The following AXIN1 variants were observed in gnomAD, a reference collection of about 807,000 sequenced individuals.
AXIN1 encodes axin-1.
Under a neutral mutation model 76.4 loss-of-function variants are expected in AXIN1, and 30 were observed. The ratio of observed to expected loss-of-function variants is 0.39; its 90% CI spans 0.29 to 0.53. The LOEUF (loss-of-function observed/expected upper bound fraction) is 0.53, where lower values mean the gene tolerates loss of function less well. AXIN1 is among the 20% of genes least tolerant of loss of function. The pLI, the probability that AXIN1 is intolerant of heterozygous loss-of-function variation, is 0.66. For synonymous variants in AXIN1, 545 were observed against 501.4 expected (o/e 1.09, Z -1.16); for missense variants, 1,140 against 1,198.8 (o/e 0.95, Z 0.72).
chr16:337,731 G>A (rs370951000), intron 2 of AXIN1, among the ~76,000 whole-genome samples: 7 of 152,218 alleles, frequency 4.6e-5, no homozygotes, highest in Non-Finnish European at 4.4e-5. Context: ...CCCGTGGGCC[G>A]AGGCTGCAAT....
intron 2 of AXIN1, among the ~76,000 whole-genome samples, chr16:332,594 A>C (rs2053716538): frequency 6.6e-6 from 1 of 150,842 alleles, no homozygotes. Context: ...AAAGAAAACA[A>C]AAAAAAAATT....
At chr16:340,865 T>C (rs1271842812) in intron 2 of AXIN1, among the ~76,000 whole-genome samples, 2 of 152,180 alleles carry the variant, frequency 1.3e-5, no homozygotes, top group African/African-American at 2.4e-5. Context: ...ATCAAGTATG[T>C]GAAACCACCA....
At chr16:345,260 A>G (rs2054010742) in intron 2 of AXIN1, among the ~76,000 whole-genome samples, 1 of 152,124 alleles carries the variant, frequency 6.6e-6, no homozygotes. Context: ...TGGACTACAC[A>G]ACAGCACCAA....
intron 2 of AXIN1, among the ~76,000 whole-genome samples, chr16:330,080 A>G (rs1597088956): frequency 8.4e-6 from 1 of 119,384 alleles, no homozygotes; most frequent in Non-Finnish European, 1.7e-5. Context: ...TTTTTTTTTG[A>G]GAGAGGGTCT....
intron 2 of AXIN1, among the ~76,000 whole-genome samples, chr16:320,741 A>ATTTTTTTTT (rs1303646861): frequency 0.018 from 1,688 of 91,712 alleles, 39 homozygotes; most frequent in African/African-American, 0.065. Context: ...ATATATATAT[A>ATTTTTTTTT]TATTTTTTTT....
intron 5 of AXIN1, among the ~76,000 whole-genome samples, chr16:303,208 C>T (rs2052921028): frequency 6.6e-6 from 1 of 152,046 alleles, no homozygotes; most frequent in Admixed American, 6.6e-5. Flanking sequence ...AAGGGGTCTC[C>T]AGAGAAACTC....
intron 2 of AXIN1, among the ~76,000 whole-genome samples, chr16:320,336 A>C (rs3848362): frequency 1.3e-5 from 2 of 151,940 alleles, no homozygotes; most frequent in Non-Finnish European, 2.9e-5. Flanking sequence ...ATGAGCCATC[A>C]TGCCTGGCCA....
chr16:319,086 C>T (rs748708287), intron 2 of AXIN1, among the ~76,000 whole-genome samples: 1 of 152,178 alleles, frequency 6.6e-6, no homozygotes, highest in Non-Finnish European at 1.5e-5. Context: ...GAACAGGTGC[C>T]AGGACTCAGG....
intron 2 of AXIN1, among the ~76,000 whole-genome samples, chr16:320,747 T>A (rs995529288): frequency 9.8e-5 from 13 of 132,716 alleles, no homozygotes; most frequent in Non-Finnish European, 1.6e-4. Context: ...ATATATATTT[T>A]TTTTTTTTTT....
chr16:294,061 T>C (rs1318636062), intron 7 of AXIN1, among the ~76,000 whole-genome samples: 1 of 152,112 alleles, frequency 6.6e-6, no homozygotes, highest in East Asian at 1.9e-4. Context: ...CTCTGGAGGC[T>C]GGGGCCCGAG....
intron 10 of AXIN1, among the ~76,000 whole-genome samples, chr16:289,052 G>T (rs2052474074): frequency 1.3e-5 from 2 of 152,124 alleles, no homozygotes; most frequent in Non-Finnish European, 2.9e-5. Context: ...TGAGGGACAT[G>T]AGCTGAAATG....
At chr16:321,930 A>T (rs2053468542) in intron 2 of AXIN1, among the ~76,000 whole-genome samples, 1 of 152,228 alleles carries the variant, frequency 6.6e-6, no homozygotes, top group Non-Finnish European at 1.5e-5. Flanking sequence ...AGCCATCCTA[A>T]GTTAGAGACC....
rs188295139 is a variant in AXIN1 at position 309,186 on chromosome 16, C to G, written c.1116+787G>C. Among the ~76,000 whole-genome samples, 234 of 151,912 alleles carry G rather than the reference C, an allele frequency of 1.5e-3. 1 individual carries two copies. Among genetic ancestry groups the G allele is most frequent in the Non-Finnish European group, 2.5e-3 (173 of 67,982 alleles). ...TCTACTAAAAATACAAAAAATTAGC[C>G]GGGCGTGGTGGCAGGCGCCTGTACT... On this transcript the variant is annotated intron_variant, in intron 4 of 10. Transcript: ENST00000262320.
Position 349,905 on chromosome 16 carries a change from T to C in AXIN1, c.-82+2464A>G, listed in dbSNP as rs2054108633. ...CCTCAGCTTCCCAGGCTCAAGCAAT[T>C]CTCCAGCCTCAGCCTCTCAAGTGGC... On this transcript the variant is annotated intron_variant, in intron 1 of 10. Transcript: ENST00000262320. 2.0e-5 allele frequency among the ~76,000 whole-genome samples: 3 copies of C among 152,126 alleles called. No homozygotes were observed. The South Asian group carries it at 6.2e-4, about 31-fold the overall frequency.
intron 2 of AXIN1, among the ~76,000 whole-genome samples, chr16:329,789 ATTTTTT>A (rs773869039): frequency 7.6e-6 from 1 of 131,248 alleles, no homozygotes; most frequent in East Asian, 2.2e-4. Context: ...TTGCCCGGCT[ATTTTTT>A]TTTTTTTTTT....
At chr16:296,988 T>G (rs866491964) in intron 7 of AXIN1, 68 bp downstream of exon 7, 2 of 1,552,026 alleles carry the variant, frequency 1.3e-6, no homozygotes, top group Middle Eastern at 1.7e-4. Flanking sequence ...CTGCACACAC[T>G]GAGACTGTGC....
Position 335,593 on chromosome 16 carries a change from C to G in AXIN1, c.878+10555G>C, listed in dbSNP as rs935761006. On this transcript the variant is annotated intron_variant, in intron 2 of 10. Coordinates refer to ENST00000262320, the MANE Select transcript of AXIN1 (RefSeq NM_003502.4). ...AACACAGCACCCAGTACCATGGCAC[C>G]CAATAACACAACACCCAGTACCATG... Among the ~76,000 whole-genome samples the G allele has an allele frequency of 2.0e-5, 3 of 151,656 alleles. No individual in the cohort carries two copies. The South Asian group carries it at 6.3e-4, about 32-fold the overall frequency.
Position 293,746 on chromosome 16 carries a change from C to T in AXIN1, c.1956-28G>A, listed in dbSNP as rs774703733. The T allele has an allele frequency of 3.1e-6, 5 of 1,607,224 alleles. No individual in the cohort carries two copies. The African/African-American group carries it at 6.7e-5, about 21-fold the overall frequency. ...TGGGGAACAAGAGAACAAGTTGTGA[C>T]TGTGGCCGACACCCTGGCCAGGTGG... On this transcript the variant is annotated intron_variant, in intron 7 of 10. Coordinates refer to ENST00000262320, the MANE Select transcript of AXIN1 (RefSeq NM_003502.4). The surrounding 1 kb of genome is among the most constrained non-coding windows in gnomAD (Gnocchi z 4.6).
At chr16:326,736 C>CA (rs59159771) in intron 2 of AXIN1, among the ~76,000 whole-genome samples, 13,268 of 121,088 alleles carry the variant, frequency 0.11, 643 homozygotes, top group African/African-American at 0.13. Flanking sequence ...AGAGTGGGAT[C>CA]AAAAAAAAAA....
Sources: allele counts gnomAD v4.1 joint callset (sites outside exome capture counted in the v4.1 genomes callset), GRCh38; gene constraint gnomAD v4.1.1; non-coding constraint Gnocchi (gnomAD v3.1); transcripts MANE v1.5; gene names NCBI Gene and HGNC (gene_info 2026-07-23, HGNC 2026-07-21).